Variants in APTX observed in about 807,000 individuals in gnomAD.
The protein encoded by APTX is forkhead-associated domain histidine triad-like protein.
Under a neutral mutation model 42.3 loss-of-function variants are expected in APTX, and 33 were observed. The observed-to-expected ratio is 0.78, with a 90% CI of 0.59 to 1.04. The LOEUF (loss-of-function observed/expected upper bound fraction) is 1.04, where lower values mean the gene tolerates loss of function less well. APTX is among the 50% of genes least tolerant of loss of function. The pLI is 0.00. For missense variants in APTX, 421 were observed against 415.1 expected (o/e 1.01, Z -0.12); for synonymous variants, 130 against 146.7 (o/e 0.89, Z 0.82).
rs1281209900 is a variant in APTX at position 33,000,832 on chromosome 9, TTTTTTTTTTTTTC to T, written c.-5+722_-5+734del. 9.1e-5 allele frequency among the ~76,000 whole-genome samples: 12 copies of T among 131,746 alleles called. No homozygotes were observed. In the East Asian group the frequency reaches 1.3e-3, roughly 14 times the overall value. The allele number at this position is 131,746 out of a possible 152,430, so 86.4% of individuals were successfully genotyped here. A position where few individuals can be genotyped will look rare whatever the true frequency, so the allele number is the denominator to read the frequency against. On this transcript the variant is annotated intron_variant, in intron 1 of 7. Transcript: ENST00000379817. Reference sequence around the variant, plus strand: ...ATCACTGGTATGTATGGGGAAAGGCTTTTTTTTTTTTTCTTTTTTTTTTTTTTTTTGAGACGGA... The same window carrying T: ...ATCACTGGTATGTATGGGGAAAGGCTTTTTTTTTTTTTTTTTTGAGACGGA...
At chr9:33,014,814 G>T (rs1478104268) in intron 1 of APTX, among the ~76,000 whole-genome samples, 1 of 152,144 alleles carries the variant, frequency 6.6e-6, no homozygotes, top group East Asian at 1.9e-4. Flanking sequence ...CCTCTACACT[G>T]GTCACCCGGT....
chr9:32,973,678 TC>T, intron 7 of APTX, 26 bp from the exon 8 acceptor site: 1 of 1,579,380 alleles, frequency 6.3e-7, no homozygotes, highest in Middle Eastern at 2.0e-4. Flanking sequence ...AAAAGTCAAA[TC>T]CCAGCTACTC....
rs897848135 is a variant in APTX, at chr9:32,990,357, G to A, written c.-4-462C>T. ...CTGGCTAATTTTTGTATTTTTAGTG[G>A]AGACAGGGTTTCACCATGTTGGCCA... On this transcript the variant is annotated intron_variant, in intron 1 of 7. Transcript: ENST00000379817. 1.3e-4 allele frequency among the ~76,000 whole-genome samples: 20 copies of A among 152,062 alleles called. No homozygotes were observed. In the South Asian group the frequency reaches 4.1e-3, roughly 32 times the overall value.
In APTX at chr9:32,987,720, C is replaced by T. The variant is rs1244898980; in HGVS notation, c.307G>A (p.Glu103Lys). 4.3e-6 allele frequency: 7 copies of T among 1,614,084 alleles called. No homozygotes were observed. Among genetic ancestry groups the T allele is most frequent in the East Asian group, 2.2e-5 (1 of 44,898 alleles). ...LYPYIVEFEE[E>K]AKNPGLETHR... is the part of the protein sequence containing the mutation. ...GTTTCCAGGCCAGGGTTCTTTGCCT[C>T]TTCCTCAAACTCTACAATATATGGA... The change falls in exon 4 of 8, where the codon GAG becomes AAG. Residue 103 changes from glutamate (E) to lysine (K), a missense_variant. By Grantham distance (56) the Glu-to-Lys change is moderately conservative (BLOSUM62 1). Coordinates refer to ENST00000379817, the MANE Select transcript of APTX (RefSeq NM_001195248.2).
chr9:32,999,635 G>A (rs936216479), intron 1 of APTX, among the ~76,000 whole-genome samples: 13 of 152,232 alleles, frequency 8.5e-5, no homozygotes, highest in Admixed American at 3.9e-4. Flanking sequence ...AGGCAGAAAT[G>A]TGAGGGAAAG....
At chr9:32,989,218 G>A (rs1277875032) in intron 2 of APTX, among the ~76,000 whole-genome samples, 3 of 152,158 alleles carry the variant, frequency 2.0e-5, no homozygotes, top group Non-Finnish European at 2.9e-5. Flanking sequence ...GAACCCTTGG[G>A]AAACCTTGCT....
chr9:33,001,702 A>G, upstream of APTX: 1 of 1,517,610 alleles, frequency 6.6e-7, no homozygotes, highest in Non-Finnish European at 9.0e-7. Flanking sequence ...ATTGGCTGAA[A>G]GAATCTTGCC....
chr9:32,989,881 A>T lies in APTX; in HGVS notation c.11T>A (p.Val4Glu), dbSNP rs771493585. 5.6e-6 allele frequency: 9 copies of T among 1,614,056 alleles called. No homozygotes were observed. The South Asian group carries it at 9.9e-5, about 18-fold the overall frequency. The stretch of plus-strand genomic sequence containing the variant: ...GCTGTCCTGTCTCACCAACCAGCAC[A>T]CCCGCATCATCACTCTAAGGGACAA... MMR[V>E]CWLVRQDSRH... The change falls in exon 2 of 8, where the codon GTG becomes GAG. Residue 4 changes from valine (V) to glutamate (E), a missense_variant. Transcript: ENST00000379817.
At position 32,973,583 on chromosome 9, in the gene APTX, A is replaced by G. The variant is rs1828559926; in HGVS notation, c.944T>C (p.Leu315Pro). The G allele has an allele frequency of 3.1e-6, 5 of 1,613,918 alleles. No homozygotes were observed. Among genetic ancestry groups the G allele is most frequent in the South Asian group, 2.2e-5 (2 of 91,070 alleles). The change falls in exon 8 of 8, where the codon CTG becomes CCG. Residue 315 changes from leucine to proline, a missense_variant. Coordinates refer to ENST00000379817, the MANE Select transcript of APTX (RefSeq NM_001195248.2). Reference protein sequence around the residue: ...VRDGMPELLKLPLRCHECQQL... With the variant: ...VRDGMPELLKPPLRCHECQQL... ...CTGGCACTCATGACAACGAAGGGGC[A>G]GCTTCAAGAGCTCAGGCATCCCATC... is the stretch of plus-strand genomic sequence containing the variant.
chr9:32,986,047 AAAAAAAAC>A lies in APTX; in HGVS notation c.484-25_484-18del. On this transcript the variant is annotated intron_variant, in intron 4 of 7. Coordinates refer to ENST00000379817, the MANE Select transcript of APTX (RefSeq NM_001195248.2). ...CAGGGATTCCTAAAAAAAAAACAAA[AAAAAAAAC>A]AAAAAAAAAAAAAAACAAGCAATGT... 3 of 661,418 alleles carry A rather than the reference AAAAAAAAC, an allele frequency of 4.5e-6. No homozygotes were observed. Among genetic ancestry groups the A allele is most frequent in the African/African-American group, 2.7e-5 (1 of 37,582 alleles). The allele number at this position is 661,418 out of a possible 1,614,324, so 41.0% of individuals were successfully genotyped here. A position where few individuals can be genotyped will look rare whatever the true frequency, so the allele number is the denominator to read the frequency against.
intron 6 of APTX, among the ~76,000 whole-genome samples, chr9:32,977,407 CGAG>C (rs1829682199): frequency 6.6e-6 from 1 of 152,002 alleles, no homozygotes; most frequent in African/African-American, 2.4e-5. Flanking sequence ...TACCTGGAGC[CGAG>C]GAGTTCAAGG....
chr9:32,981,832 TAA>T (rs1830741704), intron 6 of APTX, among the ~76,000 whole-genome samples: 1 of 152,118 alleles, frequency 6.6e-6, no homozygotes, highest in Non-Finnish European at 1.5e-5. Context: ...TAATTTCAAC[TAA>T]TAAGTTAGGT....
intron 6 of APTX, among the ~76,000 whole-genome samples, chr9:32,978,863 G>T (rs1830057506): frequency 1.3e-5 from 2 of 152,154 alleles, no homozygotes; most frequent in African/African-American, 4.8e-5. Context: ...TCTTACAACA[G>T]TGGTTCGCAA....
At chr9:33,018,320 T>C (rs909429123) in intron 1 of APTX, among the ~76,000 whole-genome samples, 2 of 151,848 alleles carry the variant, frequency 1.3e-5, no homozygotes, top group East Asian at 2.0e-4. Context: ...CCATCTCTAC[T>C]ACGATGGAAG....
chr9:32,999,397 A>G (rs1362994326), intron 1 of APTX, among the ~76,000 whole-genome samples: 1 of 152,220 alleles, frequency 6.6e-6, no homozygotes, highest in African/African-American at 2.4e-5. Flanking sequence ...ATGGACCACC[A>G]AGGAGTTTTT....
At chr9:33,013,823 G>C (rs1388083822) in intron 1 of APTX, among the ~76,000 whole-genome samples, 1 of 152,024 alleles carries the variant, frequency 6.6e-6, no homozygotes, top group Non-Finnish European at 1.5e-5. Flanking sequence ...ACAAAAACAA[G>C]ACCAAGCTCC....
At chr9:32,980,141 G>C (rs1830369254) in intron 6 of APTX, 1 of 152,366 alleles carries the variant, frequency 6.6e-6, no homozygotes, top group Non-Finnish European at 1.5e-5. Context: ...GTAACTGCAG[G>C]TTCTTTTTTC....
rs1471692372 is a variant in APTX at position 32,972,989 on chromosome 9, A to C, written c.*509T>G. ...ATCTGGGATAGAAGGGCATGGAAGG[A>C]CTGGACAAACTAAGCCTCCCCATGA... On this transcript the variant is annotated 3_prime_UTR_variant, in exon 8 of 8. Coordinates refer to ENST00000379817, the MANE Select transcript of APTX (RefSeq NM_001195248.2). The C allele has an allele frequency of 2.2e-6, 1 of 454,036 alleles. No homozygotes were observed. The highest frequency in any genetic ancestry group is 4.4e-6 in the Non-Finnish European group (1 of 226,798). The allele number at this position is 454,036 out of a possible 1,614,324, so 28.1% of individuals were successfully genotyped here. A position where few individuals can be genotyped will look rare whatever the true frequency, so the allele number is the denominator to read the frequency against.
chr9:32,994,679 G>A (rs886441666), intron 1 of APTX, among the ~76,000 whole-genome samples: 3 of 152,004 alleles, frequency 2.0e-5, no homozygotes, highest in African/African-American at 4.8e-5. Context: ...AAACTTTTTC[G>A]TTATTATTAT....
Sources: allele counts gnomAD v4.1 joint callset (sites outside exome capture counted in the v4.1 genomes callset), GRCh38; gene constraint gnomAD v4.1.1; transcripts MANE v1.5; gene names NCBI Gene and HGNC (gene_info 2026-07-23, HGNC 2026-07-21).